PRKG1: variants seen among roughly 807,000 people sequenced by gnomAD.
PRKG1 encodes the protein protein kinase cGMP-dependent 1.
Under a neutral mutation model 88.1 loss-of-function variants are expected in PRKG1, and 35 were observed. The observed-to-expected ratio is 0.40, with a 90% confidence interval of 0.30 to 0.53. PRKG1 has a LOEUF of 0.53. Ranked by LOEUF, PRKG1 falls within the 20% of genes least tolerant of loss-of-function variation. PRKG1 has a pLI of 0.59. For missense variants in PRKG1, 540 were observed against 839.8 expected (o/e 0.64, Z 4.41); for synonymous variants, 303 against 292.5 (o/e 1.04, Z -0.37).
At chr10:51,015,084 C>A (rs1439086086) in intron 1 of PRKG1, among the ~76,000 whole-genome samples, 1 of 152,126 alleles carries the variant, frequency 6.6e-6, no homozygotes, top group Non-Finnish European at 1.5e-5. Flanking sequence ...AAAACCACAC[C>A]CATATTTCTA....
intron 3 of PRKG1, among the ~76,000 whole-genome samples, chr10:51,549,704 G>A (rs892365960): frequency 1.3e-5 from 2 of 152,068 alleles, no homozygotes; most frequent in Non-Finnish European, 2.9e-5. Context: ...GTAACTCGTG[G>A]TGTTCTCTAT....
intron 9 of PRKG1, among the ~76,000 whole-genome samples, chr10:52,220,600 G>A (rs1033519771): frequency 1.8e-4 from 27 of 152,096 alleles, no homozygotes; most frequent in African/African-American, 6.5e-4. Flanking sequence ...CCCAGTGTGT[G>A]TTGTTCCCCT....
chr10:52,061,212 CTG>C (rs1418498697), intron 6 of PRKG1, among the ~76,000 whole-genome samples: 2 of 151,950 alleles, frequency 1.3e-5, no homozygotes, highest in African/African-American at 2.4e-5. Context: ...TTTTGAAACA[CTG>C]TGTGGAGGAG....
At chr10:51,794,736 G>A (rs956001983) in intron 3 of PRKG1, among the ~76,000 whole-genome samples, 44 of 151,782 alleles carry the variant, frequency 2.9e-4, no homozygotes, top group African/African-American at 1.0e-3. Context: ...GTGGTACACA[G>A]TAAATATGTA....
intron 2 of PRKG1, among the ~76,000 whole-genome samples, chr10:51,164,790 G>A (rs1288115797): frequency 5.3e-5 from 8 of 152,052 alleles, no homozygotes; most frequent in African/African-American, 1.9e-4. Context: ...CTGGAAGAAA[G>A]GGTATCAGTG....
At chr10:52,289,458 C>T (rs1447795100) in intron 16 of PRKG1, among the ~76,000 whole-genome samples, 1 of 152,116 alleles carries the variant, frequency 6.6e-6, no homozygotes, top group East Asian at 1.9e-4. Flanking sequence ...AAATATCAGA[C>T]CTTCCCTATG....
intron 5 of PRKG1, among the ~76,000 whole-genome samples, chr10:51,947,700 G>A (rs1843082792): frequency 6.6e-6 from 1 of 152,174 alleles, no homozygotes; most frequent in African/African-American, 2.4e-5. Flanking sequence ...GTGTTGTGGT[G>A]TTGAAGTTGC....
chr10:52,120,835 C>G (rs760036275), intron 7 of PRKG1, among the ~76,000 whole-genome samples: 1 of 152,064 alleles, frequency 6.6e-6, no homozygotes, highest in Non-Finnish European at 1.5e-5. Flanking sequence ...ACAGATGCAG[C>G]CCCACTCCTA....
rs142295827 is a variant in PRKG1 at position 52,114,346 on chromosome 10, C to A, written c.936-19494C>A. Among the ~76,000 whole-genome samples, 1,420 of 152,058 alleles carry A rather than the reference C, an allele frequency of 9.3e-3. 20 individuals are homozygous for A. Among genetic ancestry groups the A allele is most frequent in the African/African-American group, 0.029 (1,198 of 41,472 alleles). On this transcript the variant is annotated intron_variant, in intron 7 of 17. Coordinates refer to ENST00000373980, the MANE Select transcript of PRKG1 (RefSeq NM_006258.4). ...CTTGAATCTCTTTGAGCTTCAATTT[C>A]TTCGTCTATTGGGGGAGGGAAACTT...
chr10:52,140,466 C>A (rs1837547308), intron 8 of PRKG1, among the ~76,000 whole-genome samples: 1 of 151,990 alleles, frequency 6.6e-6, no homozygotes, highest in African/African-American at 2.4e-5. Flanking sequence ...GCATTGTATC[C>A]CCATCCCACT....
intron 2 of PRKG1, among the ~76,000 whole-genome samples, chr10:51,349,241 C>A (rs1013042379): frequency 6.6e-6 from 1 of 152,110 alleles, no homozygotes; most frequent in Admixed American, 6.5e-5. Flanking sequence ...TGGAAGACTA[C>A]GGATTTCTGT....
At chr10:52,215,499 AAAAG>A (rs1840088972) in intron 9 of PRKG1, among the ~76,000 whole-genome samples, 1 of 152,234 alleles carries the variant, frequency 6.6e-6, no homozygotes, top group Non-Finnish European at 1.5e-5. Flanking sequence ...ACAAGAAAAT[AAAAG>A]TATTTTCTTT....
chr10:51,434,625 G>T (rs118034557), intron 2 of PRKG1, among the ~76,000 whole-genome samples: 1 of 152,102 alleles, frequency 6.6e-6, no homozygotes, highest in Non-Finnish European at 1.5e-5. Flanking sequence ...AAACAAGCTT[G>T]AGGACAATCA....
At chr10:51,963,206 G>A (rs1440749842) in intron 5 of PRKG1, among the ~76,000 whole-genome samples, 2 of 152,120 alleles carry the variant, frequency 1.3e-5, no homozygotes, top group African/African-American at 2.4e-5. Flanking sequence ...TACTGTGGAT[G>A]TATTGAAATC....
At chr10:52,279,029 G>T (rs1329298793) in intron 12 of PRKG1, among the ~76,000 whole-genome samples, 2 of 152,056 alleles carry the variant, frequency 1.3e-5, no homozygotes, top group South Asian at 4.1e-4. Context: ...TTCATAGATA[G>T]CAGTGTAGCT....
intron 3 of PRKG1, among the ~76,000 whole-genome samples, chr10:51,756,591 G>A (rs944005399): frequency 5.9e-5 from 9 of 152,024 alleles, no homozygotes; most frequent in East Asian, 1.9e-4. Context: ...CGAGGTGGGC[G>A]GATAACGAGG....
chr10:51,018,115 C>A (rs1843092393), intron 1 of PRKG1, among the ~76,000 whole-genome samples: 1 of 152,100 alleles, frequency 6.6e-6, no homozygotes. Flanking sequence ...AGCCCCCGAG[C>A]CAGTGTTTGG....
intron 3 of PRKG1, among the ~76,000 whole-genome samples, chr10:51,713,955 G>A (rs117934737): frequency 0.025 from 3,855 of 152,176 alleles, 82 homozygotes; most frequent in Non-Finnish European, 0.043. Flanking sequence ...GTTCACTGTT[G>A]TTTTTATTTA....
chr10:52,137,531 C>G (rs10762578), intron 8 of PRKG1, among the ~76,000 whole-genome samples: 58,618 of 151,858 alleles, frequency 0.39, 11,981 homozygotes, highest in East Asian at 0.64. Context: ...TTCAAGGACC[C>G]CCTTTGAATA....
Sources: allele counts gnomAD v4.1 joint callset (sites outside exome capture counted in the v4.1 genomes callset), GRCh38; gene constraint gnomAD v4.1.1; transcripts MANE v1.5; gene names NCBI Gene and HGNC (gene_info 2026-07-23, HGNC 2026-07-21).